CGNL1: variants seen among roughly 807,000 people sequenced by gnomAD.
The protein encoded by CGNL1 is cingulin like 1.
In CGNL1, 132 loss-of-function variants were observed where a neutral mutation model predicts 141.2. The observed-to-expected ratio is 0.93, with a 90% CI of 0.81 to 1.08. CGNL1 has a LOEUF of 1.08. Among genes scored for constraint, CGNL1 ranks in the 50% least tolerant of loss-of-function variants. The probability of loss-of-function intolerance (pLI) is 0.00; values close to 1 mark genes in which losing one functional copy is unlikely to be tolerated. For synonymous variants in CGNL1, 690 were observed against 622.1 expected (o/e 1.11, Z -1.63); for missense variants, 1,870 against 1,588.6 (o/e 1.18, Z -3.01).
At chr15:57,473,786 A>G (rs2063612828) in intron 8 of CGNL1, among the ~76,000 whole-genome samples, 1 of 151,770 alleles carries the variant, frequency 6.6e-6, no homozygotes, top group Non-Finnish European at 1.5e-5. Flanking sequence ...CTCTGGCCCC[A>G]GTCAAGCCTT....
rs1316783833 is a variant in CGNL1 at position 57,534,459 on chromosome 15, C to T, written c.3291+2680C>T. Among the ~76,000 whole-genome samples, 3 of 152,194 alleles carry T rather than the reference C, an allele frequency of 2.0e-5. No homozygotes were observed. The East Asian group carries it at 5.8e-4, about 29-fold the overall frequency. On this transcript the variant is annotated intron_variant, in intron 14 of 18. Transcript: ENST00000281282. ...ATGGGTGGGCCAAATACCCGCCTCC[C>T]TGGAAAGCATCTCATTCTCATTCAA...
intron 8 of CGNL1, among the ~76,000 whole-genome samples, chr15:57,469,376 C>T (rs968843199): frequency 6.7e-6 from 1 of 149,676 alleles, no homozygotes; most frequent in East Asian, 2.0e-4. Context: ...ATCTGGGAGT[C>T]GTTGGACGGA....
chr15:57,544,659 A>G, intron 16 of CGNL1, 62 bp downstream of exon 16: 1 of 1,538,624 alleles, frequency 6.5e-7, no homozygotes, highest in Non-Finnish European at 8.8e-7. Flanking sequence ...TCCCATCGCA[A>G]TGTGTTGTCA....
chr15:57,439,566 T>C lies in CGNL1; in HGVS notation c.1567T>C (p.Ser523Pro). Residue 523 changes from serine (S) to proline (P), a missense_variant, in exon 2 of 19, where the codon TCC (serine) becomes CCC (proline). By Grantham distance (74) the Ser-to-Pro change is moderately conservative. Transcript: ENST00000281282. ...TSPDSGAKKI[S>P]VKTFPSASNT... ...GCCTGATTCTGGTGCCAAGAAAATT[T>C]CCGTGAAGACATTTCCTTCGGCCTC... The C allele has an allele frequency of 6.2e-7, 1 of 1,613,902 alleles. No individual in the cohort carries two copies. The highest frequency in any genetic ancestry group is 8.5e-7 in the Non-Finnish European group (1 of 1,180,012).
At chr15:57,376,910 C>A (rs1394948298) in intron 1 of CGNL1, 1 of 152,394 alleles carries the variant, frequency 6.6e-6, no homozygotes, top group Non-Finnish European at 1.5e-5. Context: ...CCTGGACCCT[C>A]CGGCTCTAGT....
intron 1 of CGNL1, among the ~76,000 whole-genome samples, chr15:57,383,615 TCTTTTCTTTTCTTTTC>T (rs370762122): frequency 0.012 from 1,717 of 140,268 alleles, 131 homozygotes; most frequent in African/African-American, 0.04. Context: ...TCTTTTCTTT[TCTTTTCTTTTCTTTTC>T]TTTTTTTTTT....
intron 1 of CGNL1, among the ~76,000 whole-genome samples, chr15:57,433,877 G>C (rs1487230087): frequency 1.4e-5 from 2 of 147,698 alleles, no homozygotes; most frequent in African/African-American, 2.5e-5. Context: ...AACAACTCCA[G>C]AAAAAAATGC....
chr15:57,484,202 A>G (rs2063760070), intron 8 of CGNL1, among the ~76,000 whole-genome samples: 1 of 152,208 alleles, frequency 6.6e-6, no homozygotes, highest in Admixed American at 6.5e-5. Flanking sequence ...TTTGAACACT[A>G]GGTAGAATTC....
intron 1 of CGNL1, among the ~76,000 whole-genome samples, chr15:57,423,930 G>A (rs1000923476): frequency 6.6e-6 from 1 of 152,204 alleles, no homozygotes; most frequent in Non-Finnish European, 1.5e-5. Context: ...ACCGCAGCTC[G>A]GTGCTGGAGC....
In CGNL1 at chr15:57,530,778, G is replaced by T. The variant is rs959639355; in HGVS notation, c.3202-912G>T. On this transcript the variant is annotated intron_variant, in intron 13 of 18. Coordinates refer to ENST00000281282, the MANE Select transcript of CGNL1 (RefSeq NM_032866.5). Reference sequence around the variant, plus strand: ...AGTCACTCACTCACAAGAATCCTGGGTGTTTTATTGTGATAAATAGAATAA... The same window carrying T: ...AGTCACTCACTCACAAGAATCCTGGTTGTTTTATTGTGATAAATAGAATAA... Among the ~76,000 whole-genome samples, 7 of 152,312 alleles carry T rather than the reference G, an allele frequency of 4.6e-5. No individual in the cohort carries two copies. The East Asian group carries it at 7.7e-4, about 17-fold the overall frequency.
rs1435183749 is a variant in CGNL1 at position 57,451,530 on chromosome 15, C to T, written c.1834C>T (p.Leu612=). The change falls in exon 5 of 19, where the codon CTA becomes TTA. Residue 612 remains leucine (L), a synonymous_variant. Transcript: ENST00000281282. Reference sequence around the variant, plus strand: ...TAATTCCACATCTGAAGTCAAAGATCTATTGGAACAGAAAAGCAAGTTGAC... The same window carrying T: ...TAATTCCACATCTGAAGTCAAAGATTTATTGGAACAGAAAAGCAAGTTGAC... ...ACNSTSEVKD[L]LEQKSKLTIE... is the part of the protein sequence containing the mutation. 1 of 1,612,618 alleles carries T rather than the reference C, an allele frequency of 6.2e-7. No individual in the cohort carries two copies.
At chr15:57,496,360 A>G in intron 8 of CGNL1, among the ~76,000 whole-genome samples, 1 of 152,162 alleles carries the variant, frequency 6.6e-6, no homozygotes, top group East Asian at 1.9e-4. Context: ...ATGGACTGGT[A>G]TAGGTCTGTG....
intron 1 of CGNL1, among the ~76,000 whole-genome samples, chr15:57,380,878 AAAGTGC>A (rs1367920727): frequency 1.3e-5 from 2 of 152,340 alleles, no homozygotes; most frequent in Non-Finnish European, 1.5e-5. Flanking sequence ...AGGAGAATGC[AAAGTGC>A]AGTGTGAAAG....
intron 1 of CGNL1, among the ~76,000 whole-genome samples, chr15:57,385,951 C>A (rs961529440): frequency 6.6e-6 from 1 of 152,224 alleles, no homozygotes; most frequent in Non-Finnish European, 1.5e-5. Flanking sequence ...CCTCAAACAA[C>A]GGTAGCTCTT....
At chr15:57,498,673 G>A (rs182662609) in intron 8 of CGNL1, among the ~76,000 whole-genome samples, 21 of 152,160 alleles carry the variant, frequency 1.4e-4, no homozygotes, top group East Asian at 3.9e-4. Flanking sequence ...AATAAAAATC[G>A]CACCCATGAC....
intron 1 of CGNL1, among the ~76,000 whole-genome samples, chr15:57,415,490 G>A (rs1284425825): frequency 3.3e-5 from 5 of 152,224 alleles, no homozygotes; most frequent in African/African-American, 1.2e-4. Flanking sequence ...GAAGCAGGAA[G>A]AGGCAAGGAG....
intron 1 of CGNL1, chr15:57,407,197 C>G (rs2062732956): frequency 6.6e-6 from 1 of 152,208 alleles, no homozygotes; most frequent in Non-Finnish European, 1.5e-5. Flanking sequence ...CAAGAGGTCT[C>G]TTGGCTGACT....
chr15:57,508,862 T>C (rs1406001978), intron 8 of CGNL1, among the ~76,000 whole-genome samples: 1 of 152,166 alleles, frequency 6.6e-6, no homozygotes, highest in Non-Finnish European at 1.5e-5. Flanking sequence ...GAATGAGCGT[T>C]TTAATGAGAT....
In CGNL1 at chr15:57,378,375, T is replaced by TG. The variant is rs2062389429; in HGVS notation, c.-16+1808_-16+1809insG. ...TGGCCCTCTATGTGTTTTTTTTTTT[T>TG]TTTTTTTTTTTTTTTTTTTTTTTGA... On this transcript the variant is annotated intron_variant, in intron 1 of 18. Coordinates refer to ENST00000281282, the MANE Select transcript of CGNL1 (RefSeq NM_032866.5). 2.8e-5 allele frequency among the ~76,000 whole-genome samples: 3 copies of TG among 107,646 alleles called. No individual in the cohort carries two copies. The Admixed American group carries it at 3.2e-4, about 11-fold the overall frequency. The allele number at this position is 107,646 out of a possible 152,430, so 70.6% of individuals were successfully genotyped here.
Sources: gnomAD v4.1 joint callset for allele counts (sites outside exome capture counted in the v4.1 genomes callset) on GRCh38, gnomAD v4.1.1 for gene constraint, MANE v1.5 for transcripts, NCBI Gene and HGNC (gene_info 2026-07-23, HGNC 2026-07-21) for gene names.